The following DEAF1 variants were observed in gnomAD, a reference collection of about 807,000 sequenced individuals.
DEAF1 encodes the protein deformed epidermal autoregulatory factor 1 homolog.
Under a neutral mutation model 58.9 loss-of-function variants are expected in DEAF1, and 53 were observed. That is an observed-to-expected ratio of 0.90 (90% CI 0.72 to 1.13). DEAF1 has a LOEUF of 1.13. Among genes scored for constraint, DEAF1 ranks in the 50% most tolerant of loss-of-function variants. DEAF1 has a pLI of 0.00. For synonymous variants in DEAF1, 385 were observed against 340.4 expected (o/e 1.13, Z -1.44); for missense variants, 685 against 791.4 (o/e 0.87, Z 1.61).
intron 10 of DEAF1, among the ~76,000 whole-genome samples, chr11:659,375 A>G (rs1463819856): frequency 3.3e-5 from 5 of 152,220 alleles, no homozygotes; most frequent in African/African-American, 4.8e-5. Context: ...CCTGGGTGAC[A>G]GAGGGAGAAC....
At chr11:695,973 A>G (rs752431886), upstream of DEAF1, 180 of 767,232 alleles carry the variant, frequency 2.3e-4, no homozygotes, top group Non-Finnish European at 2.9e-4. Context: ...CGTGAGCGAG[A>G]CAGCTCCGTC....
intron 1 of DEAF1, among the ~76,000 whole-genome samples, chr11:705,690 C>A (rs1304136319): frequency 6.6e-6 from 1 of 152,144 alleles, no homozygotes; most frequent in East Asian, 1.9e-4. Flanking sequence ...CTGCGGTGGG[C>A]CCGGTAAGGG....
At chr11:652,302 C>T (rs189010116) in intron 11 of DEAF1, among the ~76,000 whole-genome samples, 3 of 152,282 alleles carry the variant, frequency 2.0e-5, no homozygotes, top group South Asian at 2.1e-4. Context: ...AAAAATCACA[C>T]GGCAAATATT....
At chr11:685,755 CAT>C (rs994609410) in intron 5 of DEAF1, among the ~76,000 whole-genome samples, 1 of 151,920 alleles carries the variant, frequency 6.6e-6, no homozygotes, top group Non-Finnish European at 1.5e-5. Context: ...GTGGCTCACA[CAT>C]GTAATCCCAG....
chr11:675,749 G>C (rs368302037), intron 9 of DEAF1, among the ~76,000 whole-genome samples: 1 of 152,252 alleles, frequency 6.6e-6, no homozygotes, highest in East Asian at 1.9e-4. Flanking sequence ...GAACCTGGGA[G>C]GCAGAAGTTG....
intron 10 of DEAF1, among the ~76,000 whole-genome samples, chr11:672,456 C>T (rs1412679125): frequency 2.6e-5 from 4 of 152,086 alleles, no homozygotes; most frequent in African/African-American, 4.8e-5. Flanking sequence ...ACATTGAATA[C>T]GGCCTGGGAT....
At position 676,978 on chromosome 11, in the gene DEAF1, C is replaced by G. The variant is rs575245925; in HGVS notation, c.1255+1716G>C. ...TTCTGACTTCTGCCCACCAAGGGCACCTGGGGACAGAGATCCAGGAGCCAC... is the reference window on the plus strand; with the variant it reads ...TTCTGACTTCTGCCCACCAAGGGCAGCTGGGGACAGAGATCCAGGAGCCAC... On this transcript the variant is annotated intron_variant, in intron 9 of 11. Coordinates refer to ENST00000382409, the MANE Select transcript of DEAF1 (RefSeq NM_021008.4). Among the ~76,000 whole-genome samples the G allele has an allele frequency of 2.6e-5, 4 of 152,152 alleles. No homozygotes were observed. In the East Asian group the frequency reaches 7.7e-4, roughly 29 times the overall value.
At chr11:680,039 T>C (rs1463044241) in intron 7 of DEAF1, 3 of 592,584 alleles carry the variant, frequency 5.1e-6, no homozygotes, top group Admixed American at 2.9e-5. Context: ...CCACTACCAA[T>C]TGTTCGCTGT....
chr11:703,066 C>T (rs1225046859), intron 1 of DEAF1: 1 of 1,612,660 alleles, frequency 6.2e-7, no homozygotes, highest in African/African-American at 1.3e-5. Context: ...TGTGGGCGGA[C>T]TGGGCCCTCA....
At chr11:699,200 C>T (rs1020180473), upstream of DEAF1, 3 of 454,642 alleles carry the variant, frequency 6.6e-6, no homozygotes, top group East Asian at 6.9e-5. Context: ...CACTTTGTCC[C>T]TAGATTCATT....
At chr11:700,775 A>C in intron 1 of DEAF1, 2 of 1,400,812 alleles carry the variant, frequency 1.4e-6, no homozygotes, top group Non-Finnish European at 2.0e-6. Flanking sequence ...CAGCCTTTCA[A>C]GAGTAATTAT....
intron 10 of DEAF1, among the ~76,000 whole-genome samples, chr11:673,059 T>A (rs1859898660): frequency 6.9e-6 from 1 of 144,800 alleles, no homozygotes; most frequent in African/African-American, 2.6e-5. Context: ...TGAGGCAGGA[T>A]AATTGCTTGA....
At chr11:670,130 T>C (rs868745872) in intron 10 of DEAF1, among the ~76,000 whole-genome samples, 2 of 150,338 alleles carry the variant, frequency 1.3e-5, no homozygotes, top group African/African-American at 2.4e-5. Flanking sequence ...AGGGGACCGA[T>C]GGAAGGGGAC....
intron 9 of DEAF1, among the ~76,000 whole-genome samples, chr11:675,489 A>G (rs147910294): frequency 0.014 from 2,194 of 152,278 alleles, 34 homozygotes; most frequent in South Asian, 0.055. Context: ...TGACTGCGCC[A>G]CCGTCCTTCG....
rs1416381367 is a variant in DEAF1 at position 688,577 on chromosome 11, G to A, written c.388-117C>T. ...CTGGCTGTTCTCACCAAGAAGGGAC[G>A]CTCACCTAGGCACCCCATATCTTTT... is the stretch of plus-strand genomic sequence containing the variant. On this transcript the variant is annotated intron_variant, in intron 2 of 11. Coordinates refer to ENST00000382409, the MANE Select transcript of DEAF1 (RefSeq NM_021008.4). This position sits in a 1 kb window ranked among gnomAD's most constrained non-coding sequence, Gnocchi z 4.3. 7 of 1,192,800 alleles carry A rather than the reference G, an allele frequency of 5.9e-6. No individual in the cohort carries two copies. The highest frequency in any genetic ancestry group is 8.6e-6 in the Non-Finnish European group (7 of 814,052). The allele number at this position is 1,192,800 out of a possible 1,614,324, so 73.9% of individuals were successfully genotyped here.
chr11:680,113 G>C (rs751052159), intron 7 of DEAF1: 88 of 451,214 alleles, frequency 2.0e-4, no homozygotes, highest in Admixed American at 6.1e-4. Flanking sequence ...AAAACTTTCA[G>C]TGATTTTTAA....
At chr11:652,494 C>T (rs964014272) in intron 11 of DEAF1, among the ~76,000 whole-genome samples, 6 of 152,108 alleles carry the variant, frequency 3.9e-5, no homozygotes, top group Middle Eastern at 3.4e-3. Context: ...AAAAATTAGC[C>T]GGGGGTGGAG....
chr11:698,684 T>C (rs761565021), upstream of DEAF1, among the ~76,000 whole-genome samples: 45 of 152,038 alleles, frequency 3.0e-4, no homozygotes, highest in Non-Finnish European at 3.4e-4. Context: ...CCTAGCCTCA[T>C]TGAAGGATGG....
chr11:675,308 C>G (rs372677393), intron 9 of DEAF1, among the ~76,000 whole-genome samples: 36 of 152,264 alleles, frequency 2.4e-4, no homozygotes, highest in African/African-American at 8.7e-4. Context: ...CACTTGAGCT[C>G]AGGAGTTCAA....
Sources: allele counts gnomAD v4.1 joint callset (sites outside exome capture counted in the v4.1 genomes callset), GRCh38; gene constraint gnomAD v4.1.1; non-coding constraint Gnocchi (gnomAD v3.1); transcripts MANE v1.5; gene names NCBI Gene and HGNC (gene_info 2026-07-23, HGNC 2026-07-21).